Variants in CTNNA2 observed in about 807,000 individuals in gnomAD.
CTNNA2 encodes catenin alpha-2.
CTNNA2 carries 42 observed loss-of-function variants against 101.0 expected under a neutral mutation model. The observed-to-expected ratio is 0.42, with a 90% CI of 0.32 to 0.54. The LOEUF is 0.54. Among genes scored for constraint, CTNNA2 ranks in the 20% least tolerant of loss-of-function variants. The pLI is 0.14. For missense variants in CTNNA2, 871 were observed against 1,223.1 expected, an observed-to-expected ratio of 0.71 and a Z score of 4.29; for synonymous variants, 450 against 456.4, an observed-to-expected ratio of 0.99 and a Z score of 0.18.
At chr2:80,263,281 G>A (rs1228777502) in intron 7 of CTNNA2, among the ~76,000 whole-genome samples, 4 of 152,154 alleles carry the variant, frequency 2.6e-5, no homozygotes, top group South Asian at 2.1e-4. Flanking sequence ...TTCTGCACAC[G>A]AGGAAACTGA....
At chr2:79,544,938 G>A (rs980165750) in intron 1 of CTNNA2, among the ~76,000 whole-genome samples, 3 of 152,094 alleles carry the variant, frequency 2.0e-5, no homozygotes, top group African/African-American at 7.2e-5. Context: ...TGCCCAATTG[G>A]AGCATATGAT....
At chr2:80,153,540 G>A (rs1703829628) in intron 7 of CTNNA2, among the ~76,000 whole-genome samples, 1 of 152,160 alleles carries the variant, frequency 6.6e-6, no homozygotes, top group Non-Finnish European at 1.5e-5. Context: ...ATAACCGCCT[G>A]TTTTCTCTTT....
At chr2:80,409,104 T>G (rs1320618702) in intron 8 of CTNNA2, among the ~76,000 whole-genome samples, 1 of 152,168 alleles carries the variant, frequency 6.6e-6, no homozygotes, top group Admixed American at 6.5e-5. Flanking sequence ...AAAGTTGACC[T>G]GCTTTTTGGT....
intron 3 of CTNNA2, among the ~76,000 whole-genome samples, chr2:79,362,303 T>G (rs1484506477): frequency 6.6e-6 from 1 of 152,262 alleles, no homozygotes; most frequent in East Asian, 1.9e-4. Context: ...TATTTGTTAT[T>G]ATTTAGTTTT....
At chr2:80,079,492 T>C (rs981839307) in intron 7 of CTNNA2, among the ~76,000 whole-genome samples, 1 of 152,110 alleles carries the variant, frequency 6.6e-6, no homozygotes, top group Non-Finnish European at 1.5e-5. Context: ...GCCCTGCCTC[T>C]AGGAGCTCCA....
intron 8 of CTNNA2, among the ~76,000 whole-genome samples, chr2:80,411,450 T>A (rs1482552716): frequency 1.3e-5 from 2 of 152,198 alleles, no homozygotes; most frequent in African/African-American, 4.8e-5. Context: ...TGGGTTCTCT[T>A]CTTTTATCCT....
At chr2:80,005,525 A>G (rs551881179) in intron 7 of CTNNA2, among the ~76,000 whole-genome samples, 67 of 152,284 alleles carry the variant, frequency 4.4e-4, no homozygotes, top group African/African-American at 1.3e-3. Context: ...CTCACCTGCT[A>G]TGGTAGAAAT....
chr2:80,396,534 A>C (rs1678029010), intron 8 of CTNNA2, among the ~76,000 whole-genome samples: 1 of 152,148 alleles, frequency 6.6e-6, no homozygotes, highest in South Asian at 2.1e-4. Flanking sequence ...TGGTCTGTCC[A>C]TCCCCCAGAG....
intron 2 of CTNNA2, among the ~76,000 whole-genome samples, chr2:79,296,861 A>G (rs1179604009): frequency 1.3e-5 from 2 of 152,078 alleles, no homozygotes; most frequent in African/African-American, 2.4e-5. Flanking sequence ...CCTACCTCCC[A>G]CACCAAGTTT....
intron 2 of CTNNA2, among the ~76,000 whole-genome samples, chr2:79,207,771 C>T (rs1234373941): frequency 2.6e-5 from 4 of 152,164 alleles, no homozygotes; most frequent in African/African-American, 9.7e-5. Context: ...CTTTTTCCCA[C>T]TCTGATGGCT....
intron 15 of CTNNA2, among the ~76,000 whole-genome samples, chr2:80,589,716 T>G (rs2149736733): frequency 6.6e-6 from 1 of 152,342 alleles, no homozygotes; most frequent in Middle Eastern, 3.4e-3. Flanking sequence ...TTGTTATAAT[T>G]ATCTACCCTA....
At chr2:80,643,882 G>C (rs1673755467) in intron 18 of CTNNA2, among the ~76,000 whole-genome samples, 1 of 152,192 alleles carries the variant, frequency 6.6e-6, no homozygotes, top group African/African-American at 2.4e-5. Context: ...AGAGGCTATA[G>C]TCAGCAAGGA....
chr2:80,211,274 G>A lies in CTNNA2; in HGVS notation c.1057-181937G>A, dbSNP rs186397111. On this transcript the variant is annotated intron_variant, in intron 7 of 18. Coordinates refer to ENST00000402739, the MANE Select transcript of CTNNA2 (RefSeq NM_001282597.3). ...TGTTGCCATTGCTTTTGGTGTTTTA[G>A]TCATGAAGTCCTTGCCCATGCCTAT... is the stretch of plus-strand genomic sequence containing the variant. 3.9e-5 allele frequency among the ~76,000 whole-genome samples: 6 copies of A among 152,274 alleles called. No individual in the cohort carries two copies. In the East Asian group the frequency reaches 9.6e-4, roughly 24 times the overall value.
intron 2 of CTNNA2, among the ~76,000 whole-genome samples, chr2:79,696,555 T>C (rs1324301120): frequency 6.6e-6 from 1 of 152,040 alleles, no homozygotes; most frequent in Non-Finnish European, 1.5e-5. Context: ...TGTTTAGGCA[T>C]GTGTGTGCCC....
intron 9 of CTNNA2, among the ~76,000 whole-genome samples, chr2:80,484,294 T>C (rs556497886): frequency 3.9e-5 from 6 of 152,342 alleles, no homozygotes; most frequent in Admixed American, 6.5e-5. Context: ...ATGTAGCAGA[T>C]GTTCCACAAA....
At chr2:79,881,992 G>C (rs1483836702) in intron 6 of CTNNA2, among the ~76,000 whole-genome samples, 1 of 151,700 alleles carries the variant, frequency 6.6e-6, no homozygotes, top group Non-Finnish European at 1.5e-5. Flanking sequence ...CTTTTGCAAG[G>C]CAGGCCTGTT....
At chr2:80,037,766 A>G (rs1574604944) in intron 7 of CTNNA2, among the ~76,000 whole-genome samples, 1 of 152,130 alleles carries the variant, frequency 6.6e-6, no homozygotes. Context: ...TCTCTTCTTT[A>G]TTGTCATTCA....
intron 3 of CTNNA2, among the ~76,000 whole-genome samples, chr2:79,362,871 T>C (rs1219305304): frequency 2.0e-5 from 3 of 152,176 alleles, no homozygotes; most frequent in African/African-American, 7.2e-5. Context: ...ACATTTTTGT[T>C]TCAAGCCGCA....
chr2:80,589,269 C>A (rs1424387182), intron 14 of CTNNA2, 35 bp from the exon 15 acceptor site: 2 of 1,606,758 alleles, frequency 1.2e-6, no homozygotes, highest in East Asian at 2.2e-5. Context: ...CTTCCTTTGT[C>A]ACCGTCACTC....
Sources: allele counts gnomAD v4.1 joint callset (sites outside exome capture counted in the v4.1 genomes callset), GRCh38; gene constraint gnomAD v4.1.1; transcripts MANE v1.5; gene names NCBI Gene and HGNC (gene_info 2026-07-23, HGNC 2026-07-21).